Variants in TRAIP observed in about 807,000 individuals in gnomAD.
The protein encoded by TRAIP is TRAF interacting protein.
In TRAIP, 37 loss-of-function variants were observed where a neutral mutation model predicts 65.0. That is an observed-to-expected ratio of 0.57 (90% CI 0.44 to 0.75). TRAIP has a LOEUF of 0.75. Ranked by LOEUF, TRAIP falls within the 30% of genes least tolerant of loss-of-function variation. The pLI, the probability that TRAIP is intolerant of heterozygous loss-of-function variation, is 0.00. For missense variants in TRAIP, 481 were observed against 579.4 expected (o/e 0.83, Z 1.74); for synonymous variants, 187 against 219.1 (o/e 0.85, Z 1.29).
intron 10 of TRAIP, among the ~76,000 whole-genome samples, chr3:49,833,994 AC>A (rs761667808): frequency 2.0e-5 from 3 of 152,158 alleles, no homozygotes; most frequent in Non-Finnish European, 2.9e-5. Flanking sequence ...TGGTCAAGTT[AC>A]AGGGCTTCAT....
intron 3 of TRAIP, among the ~76,000 whole-genome samples, chr3:49,847,007 C>T (rs574937224): frequency 6.6e-6 from 1 of 152,016 alleles, no homozygotes; most frequent in South Asian, 2.1e-4. Flanking sequence ...AAGGTGAAAC[C>T]CCGTCTGTAC....
intron 3 of TRAIP, among the ~76,000 whole-genome samples, chr3:49,845,259 T>C (rs1342851113): frequency 1.3e-5 from 2 of 152,204 alleles, no homozygotes; most frequent in Non-Finnish European, 2.9e-5. Flanking sequence ...TGTGGCAGAA[T>C]TGAACCCAGT....
At position 49,830,052 on chromosome 3, in the gene TRAIP, C is replaced by T. The variant is rs1331945619; in HGVS notation, c.1054G>A (p.Val352Ile). Residue 352 changes from valine (V) to isoleucine (I), a missense_variant, in exon 12 of 15, where the codon GTC (valine) becomes ATC (isoleucine). Val to Ile is a conservative substitution (Grantham distance 29). Transcript: ENST00000331456. ...LEKSHSPIQDVPKKICKGPRK... is the reference protein window; with the variant it reads ...LEKSHSPIQDIPKKICKGPRK... ...GGGCCTTTGCATATCTTCTTGGGGA[C>T]ATCCTGAATTGGGGAGCTACAAGAA... The T allele has an allele frequency of 1.9e-6, 3 of 1,614,152 alleles. No individual in the cohort carries two copies. In the South Asian group the frequency reaches 3.3e-5, roughly 18 times the overall value.
At chr3:49,844,990 C>A (rs2081870049) in intron 3 of TRAIP, among the ~76,000 whole-genome samples, 1 of 152,224 alleles carries the variant, frequency 6.6e-6, no homozygotes, top group Non-Finnish European at 1.5e-5. Context: ...GGCCAAGGAC[C>A]TTGGGCGACT....
At chr3:49,835,093 A>T (rs2081769621) in intron 10 of TRAIP, among the ~76,000 whole-genome samples, 1 of 152,228 alleles carries the variant, frequency 6.6e-6, no homozygotes, top group Non-Finnish European at 1.5e-5. Context: ...CTGTAATCTC[A>T]GCTACTTGGA....
chr3:49,839,356 TTGCAGGGACACCAA>T (rs1241773467), intron 10 of TRAIP, among the ~76,000 whole-genome samples: 1 of 152,184 alleles, frequency 6.6e-6, no homozygotes, highest in Non-Finnish European at 1.5e-5. Context: ...ATGCCCATGC[TTGCAGGGACACCAA>T]TCCTTCTGCC....
Position 49,829,234 on chromosome 3 carries a change from G to A in TRAIP, c.1288-9C>T, listed in dbSNP as rs377703753. The A allele has an allele frequency of 1.6e-4, 261 of 1,614,246 alleles. 4 individuals are homozygous for A. In the East Asian group the frequency reaches 4.2e-3, roughly 26 times the overall value. ...ATCATGACTGTGTCAGTCTGGAGGAGCTGTCAAGGAAGAGGCATGGAGAAA... is the reference window on the plus strand; with the variant it reads ...ATCATGACTGTGTCAGTCTGGAGGAACTGTCAAGGAAGAGGCATGGAGAAA... On this transcript the variant is annotated splice_polypyrimidine_tract_variant and intron_variant, in intron 14 of 14. Coordinates refer to ENST00000331456, the MANE Select transcript of TRAIP (RefSeq NM_005879.3).
intron 5 of TRAIP, chr3:49,843,550 C>A (rs1355675712): frequency 4.9e-6 from 2 of 408,874 alleles, no homozygotes; most frequent in Non-Finnish European, 8.9e-6. Context: ...CTGTGAGGTA[C>A]TGGGAAGGCC....
intron 2 of TRAIP, 98 bp from the exon 3 acceptor site, chr3:49,847,706 T>C (rs796543370): frequency 3.9e-6 from 3 of 772,140 alleles, no homozygotes; most frequent in South Asian, 1.7e-5. Flanking sequence ...CTGACATGCA[T>C]GTCAGGCCTG....
chr3:49,855,102 G>A (rs530745426), intron 1 of TRAIP, among the ~76,000 whole-genome samples: 1 of 152,128 alleles, frequency 6.6e-6, no homozygotes, highest in Non-Finnish European at 1.5e-5. Flanking sequence ...GTAAGCTAAA[G>A]TACTTTTTAA....
chr3:49,844,452 A>C, intron 4 of TRAIP, 89 bp downstream of exon 4: 1 of 1,469,500 alleles, frequency 6.8e-7, no homozygotes, highest in Non-Finnish European at 9.4e-7. Flanking sequence ...TGGCTCTCCC[A>C]AACGGTTTGA....
At chr3:49,843,772 T>C (rs189742709) in intron 5 of TRAIP, 29 bp downstream of exon 5, 1 of 1,605,926 alleles carries the variant, frequency 6.2e-7, no homozygotes, top group Admixed American at 1.7e-5. Flanking sequence ...TCCCTATGAA[T>C]TCTGTACCCA....
In TRAIP at chr3:49,840,947, G is replaced by C. The variant is rs770854333; in HGVS notation, c.705+38C>G. The C allele has an allele frequency of 9.5e-6, 15 of 1,576,380 alleles. No individual in the cohort carries two copies. In the South Asian group the frequency reaches 1.7e-4, roughly 17 times the overall value. ...CCAGAGTGAACATGACAAAAGGAGAGCCACTTCTCCTTCAACCTCTGTTCA... is the reference window on the plus strand; with the variant it reads ...CCAGAGTGAACATGACAAAAGGAGACCCACTTCTCCTTCAACCTCTGTTCA... On this transcript the variant is annotated intron_variant, in intron 8 of 14. Coordinates refer to ENST00000331456, the MANE Select transcript of TRAIP (RefSeq NM_005879.3).
Position 49,844,608 on chromosome 3 carries a change from C to T in TRAIP, c.241-28G>A, listed in dbSNP as rs758735339. 1.9e-6 allele frequency: 3 copies of T among 1,613,728 alleles called. No individual in the cohort carries two copies. In the Admixed American group the frequency reaches 5.0e-5, roughly 27 times the overall value. On this transcript the variant is annotated intron_variant, in intron 3 of 14. Coordinates refer to ENST00000331456, the MANE Select transcript of TRAIP (RefSeq NM_005879.3). ...GAAAGGCAATACCCACAATAAGCAG[C>T]AGGAAAGCATCATAGCTGACCTCCA...
chr3:49,837,881 CTTT>C (rs79076193), intron 10 of TRAIP, among the ~76,000 whole-genome samples: 1 of 137,594 alleles, frequency 7.3e-6, no homozygotes, highest in Non-Finnish European at 1.6e-5. Context: ...CACGCCCGGA[CTTT>C]TTTTTTTTTT....
At position 49,828,972 on chromosome 3, in the gene TRAIP, CACCTGTT is replaced by C. The variant is rs1189075369; in HGVS notation, c.*124_*130del. The C allele has an allele frequency of 1.2e-5, 15 of 1,290,138 alleles. No homozygotes were observed. The East Asian group carries it at 3.5e-4, about 30-fold the overall frequency. 79.9% of individuals were successfully genotyped at this position (1,290,138 alleles called of 1,614,324 possible). On this transcript the variant is annotated 3_prime_UTR_variant, in exon 15 of 15. Coordinates refer to ENST00000331456, the MANE Select transcript of TRAIP (RefSeq NM_005879.3). ...AGTCTCTGGGTGCCACACTCACCCT[CACCTGTT>C]TGTCTGCCCTTACACCTCAGGCTGG...
At chr3:49,853,735 T>C (rs181502065) in intron 1 of TRAIP, among the ~76,000 whole-genome samples, 147 of 152,024 alleles carry the variant, frequency 9.7e-4, no homozygotes, top group Middle Eastern at 6.8e-3. Context: ...TAATCCCAGC[T>C]ACTCGGGAGG....
intron 1 of TRAIP, among the ~76,000 whole-genome samples, chr3:49,853,047 G>C (rs1231829179): frequency 1.3e-5 from 2 of 151,522 alleles, no homozygotes; most frequent in African/African-American, 4.9e-5. Context: ...GCTTGAACCA[G>C]GGAGGTGGAG....
intron 1 of TRAIP, among the ~76,000 whole-genome samples, chr3:49,849,555 G>A (rs1366272688): frequency 2.6e-5 from 4 of 151,986 alleles, no homozygotes; most frequent in Non-Finnish European, 5.9e-5. Flanking sequence ...AACCTGGGAG[G>A]CGGAGATTGC....
Sources: gnomAD v4.1 joint callset for allele counts (sites outside exome capture counted in the v4.1 genomes callset) on GRCh38, gnomAD v4.1.1 for gene constraint, MANE v1.5 for transcripts, NCBI Gene and HGNC (gene_info 2026-07-23, HGNC 2026-07-21) for gene names.